Variants in TLK2 observed in about 807,000 individuals in gnomAD.
TLK2 encodes the protein tousled like kinase 2, also known as serine/threonine-protein kinase tousled-like 2.
TLK2 carries 6 observed loss-of-function variants against 117.3 expected under a neutral mutation model. The observed-to-expected ratio is 0.05, with a 90% CI of 0.03 to 0.10. The LOEUF (loss-of-function observed/expected upper bound fraction) is 0.10, where lower values mean the gene tolerates loss of function less well. Ranked by LOEUF, TLK2 falls within the 10% of genes least tolerant of loss-of-function variation. The pLI is 1.00. For synonymous variants in TLK2, 257 were observed against 316.7 expected (o/e 0.81, Z 2.00); for missense variants, 299 against 901.2 (o/e 0.33, Z 8.56).
At chr17:62,476,270 G>A (rs764849700), upstream of TLK2, among the ~76,000 whole-genome samples, 6 of 151,820 alleles carry the variant, frequency 4.0e-5, no homozygotes, top group East Asian at 4.0e-4. Flanking sequence ...GTGAGCTACC[G>A]CACCCAGCCT....
chr17:62,580,038 T>C (rs1598729584), intron 14 of TLK2, 73 bp from the exon 15 acceptor site: 2 of 1,183,098 alleles, frequency 1.7e-6, no homozygotes, highest in East Asian at 4.8e-5. Context: ...GTGTTAGATA[T>C]TCTGGGAATT....
chr17:62,565,184 C>T, intron 11 of TLK2, 47 bp downstream of exon 11: 2 of 1,568,540 alleles, frequency 1.3e-6, no homozygotes. Context: ...AGTTCGTTTG[C>T]ATTTTTTAGG....
intron 2 of TLK2, among the ~76,000 whole-genome samples, chr17:62,484,912 C>T (rs2072159892): frequency 6.6e-6 from 1 of 152,018 alleles, no homozygotes; most frequent in African/African-American, 2.4e-5. Context: ...AAAAAATTAG[C>T]TGAGCTTGGT....
chr17:62,547,021 A>G (rs1336344845), intron 7 of TLK2, among the ~76,000 whole-genome samples: 6 of 152,138 alleles, frequency 3.9e-5, no homozygotes, highest in African/African-American at 9.7e-5. Flanking sequence ...TTTTGTAGCT[A>G]CAGTATACTT....
chr17:62,612,342 A>G (rs763349671), intron 21 of TLK2, 50 bp from the exon 22 acceptor site: 1 of 1,584,426 alleles, frequency 6.3e-7, no homozygotes, highest in Non-Finnish European at 8.6e-7. Flanking sequence ...GGTTCCCTCC[A>G]GGGGTGCCAA....
chr17:62,606,382 A>C (rs1206274006), intron 20 of TLK2, 141 bp downstream of exon 20: 1 of 456,916 alleles, frequency 2.2e-6, no homozygotes, highest in Non-Finnish European at 3.8e-6. Flanking sequence ...GTTTAAAGAA[A>C]ATACAGACTT....
chr17:62,556,006 C>T (rs1183933983), intron 9 of TLK2, among the ~76,000 whole-genome samples: 1 of 151,998 alleles, frequency 6.6e-6, no homozygotes, highest in Non-Finnish European at 1.5e-5. Flanking sequence ...ACTTTGTCAC[C>T]CAGGTTCAAG....
chr17:62,517,236 A>G (rs1168965602), intron 2 of TLK2, among the ~76,000 whole-genome samples: 1 of 151,484 alleles, frequency 6.6e-6, no homozygotes. Context: ...ATTGACTTTC[A>G]CCATTGAATA....
chr17:62,534,585 G>C (rs949604232), intron 6 of TLK2, among the ~76,000 whole-genome samples: 1 of 151,980 alleles, frequency 6.6e-6, no homozygotes, highest in African/African-American at 2.4e-5. Flanking sequence ...CCATCTTACT[G>C]AGCTCCTTTT....
At chr17:62,531,123 G>A (rs796363158) in intron 6 of TLK2, among the ~76,000 whole-genome samples, 8 of 152,182 alleles carry the variant, frequency 5.3e-5, no homozygotes, top group African/African-American at 1.9e-4. Context: ...TTGTGGGTTG[G>A]TATCTTTCAT....
intron 2 of TLK2, chr17:62,516,345 A>G (rs2075587965): frequency 1.4e-6 from 2 of 1,479,166 alleles, no homozygotes; most frequent in East Asian, 2.3e-5. Flanking sequence ...GACCACGTCC[A>G]CAACCAAATC....
At chr17:62,479,685 C>T (rs1416444407) in intron 1 of TLK2, among the ~76,000 whole-genome samples, 2 of 152,236 alleles carry the variant, frequency 1.3e-5, no homozygotes, top group Admixed American at 6.5e-5. Context: ...CTCCTGCTTC[C>T]CGGCTGTGGG....
chr17:62,592,795 A>G (rs1266307520), intron 16 of TLK2, among the ~76,000 whole-genome samples: 2 of 152,158 alleles, frequency 1.3e-5, no homozygotes, highest in Non-Finnish European at 2.9e-5. Context: ...AGCTTACCAT[A>G]ATGTAGAATC....
chr17:62,519,817 G>C (rs2075904624), intron 2 of TLK2, among the ~76,000 whole-genome samples: 1 of 152,060 alleles, frequency 6.6e-6, no homozygotes, highest in Non-Finnish European at 1.5e-5. Context: ...ATAAAACGAA[G>C]GCTCCTTGTG....
chr17:62,575,759 T>C (rs939160162), intron 12 of TLK2, among the ~76,000 whole-genome samples: 14 of 152,102 alleles, frequency 9.2e-5, no homozygotes, highest in African/African-American at 3.4e-4. Flanking sequence ...TGCAGTGACA[T>C]GATTATAGCT....
At chr17:62,485,479 T>G (rs1382726085) in intron 2 of TLK2, among the ~76,000 whole-genome samples, 1 of 152,262 alleles carries the variant, frequency 6.6e-6, no homozygotes, top group Admixed American at 6.5e-5. Context: ...TTTAGGTTTT[T>G]AATTTTTTAT....
At chr17:62,608,962 TC>T in intron 21 of TLK2, among the ~76,000 whole-genome samples, 3 of 152,362 alleles carry the variant, frequency 2.0e-5, no homozygotes, top group Admixed American at 2.0e-4. Flanking sequence ...GCCTACTTTT[TC>T]CTTGCTATTT....
At chr17:62,522,337 C>T (rs2076099907) in intron 4 of TLK2, 64 bp downstream of exon 4, 8 of 1,515,954 alleles carry the variant, frequency 5.3e-6, no homozygotes, top group Non-Finnish European at 7.2e-6. Context: ...AATTTTCTAA[C>T]TCATACTAAA....
chr17:62,614,361 T>C lies in TLK2; in HGVS notation c.*1796T>C, dbSNP rs1266497281. The C allele has an allele frequency of 6.6e-6, 1 of 152,176 alleles. No individual in the cohort carries two copies. The highest frequency in any genetic ancestry group is 2.4e-5 in the African/African-American group (1 of 41,430). The allele number at this position is 152,176 out of a possible 1,614,324, so 9.4% of individuals were successfully genotyped here. On this transcript the variant is annotated 3_prime_UTR_variant, in exon 22 of 22. Transcript: ENST00000346027. ...GCCAGCTTGGAATGTTACTGACATATGTGGCGAGGGCTTAGCCAGAAATAT... is the reference window on the plus strand; with the variant it reads ...GCCAGCTTGGAATGTTACTGACATACGTGGCGAGGGCTTAGCCAGAAATAT...
Sources: gnomAD v4.1 joint callset for allele counts (sites outside exome capture counted in the v4.1 genomes callset) on GRCh38, gnomAD v4.1.1 for gene constraint, MANE v1.5 for transcripts, NCBI Gene and HGNC (gene_info 2026-07-23, HGNC 2026-07-21) for gene names.